EML6: variants seen among roughly 807,000 people sequenced by gnomAD.
EML6 encodes EMAP like 6.
EML6 carries 154 observed loss-of-function variants against 240.1 expected under a neutral mutation model. That is an observed-to-expected ratio of 0.64 (90% CI 0.56 to 0.73). The LOEUF is 0.73. EML6 is among the 30% of genes least tolerant of loss of function. The pLI is 0.00. For synonymous variants in EML6, 1,148 were observed against 899.0 expected, an observed-to-expected ratio of 1.28 and a Z score of -4.95; for missense variants, 2,964 against 2,474.6, an observed-to-expected ratio of 1.20 and a Z score of -4.20.
chr2:54,798,273 A>G (rs1163856561), intron 2 of EML6, among the ~76,000 whole-genome samples: 1 of 152,112 alleles, frequency 6.6e-6, no homozygotes, highest in Non-Finnish European at 1.5e-5. Context: ...CCCGGGTTCA[A>G]GTGCTTCTCC....
Position 54,817,964 on chromosome 2 carries a change from C to G in EML6, c.456+1079C>G, listed in dbSNP as rs534667588. Among the ~76,000 whole-genome samples, 18 of 152,038 alleles carry G rather than the reference C, an allele frequency of 1.2e-4. No homozygotes were observed. In the East Asian group the frequency reaches 3.1e-3, roughly 26 times the overall value. ...GTACTGGAAGAGGCCTGGTACCCCT[C>G]TCGTCCAGTAGTTCCCAATCCTGGC... is the stretch of plus-strand genomic sequence containing the variant. On this transcript the variant is annotated intron_variant, in intron 4 of 41. Coordinates refer to ENST00000356458, the MANE Select transcript of EML6 (RefSeq NM_001039753.4).
intron 19 of EML6, among the ~76,000 whole-genome samples, chr2:54,893,535 G>C (rs893071963): frequency 3.3e-5 from 5 of 152,214 alleles, no homozygotes; most frequent in African/African-American, 9.7e-5. Flanking sequence ...CTGTTACAGA[G>C]GCAGTTAAAT....
chr2:54,792,146 G>T (rs11893827), intron 2 of EML6, among the ~76,000 whole-genome samples: 10,311 of 152,194 alleles, frequency 0.068, 523 homozygotes, highest in East Asian at 0.31. Context: ...TGGGAAATGG[G>T]AAAACATTCA....
intron 2 of EML6, among the ~76,000 whole-genome samples, chr2:54,801,192 C>T (rs190838796): frequency 6.6e-6 from 1 of 151,834 alleles, no homozygotes; most frequent in East Asian, 1.9e-4. Flanking sequence ...TGGTGGTGGG[C>T]GCCTGTAGTC....
chr2:54,767,919 CCA>C (rs1230113890), intron 2 of EML6, among the ~76,000 whole-genome samples: 1 of 151,994 alleles, frequency 6.6e-6, no homozygotes, highest in Non-Finnish European at 1.5e-5. Flanking sequence ...AACATGCCAG[CCA>C]GAAGAAGTAC....
At chr2:54,779,814 A>G (rs1176975063) in intron 2 of EML6, among the ~76,000 whole-genome samples, 1 of 148,606 alleles carries the variant, frequency 6.7e-6, no homozygotes, top group East Asian at 2.0e-4. Context: ...GTGAGCCAAG[A>G]TCCTGCCAGT....
rs765850723 is a variant in EML6 at position 54,967,007 on chromosome 2, C to T, written c.5501C>T (p.Thr1834Ile). 6.5e-7 allele frequency: 1 copy of T among 1,550,106 alleles called. No individual in the cohort carries two copies. Among genetic ancestry groups the T allele is most frequent in the South Asian group, 1.2e-5 (1 of 84,010 alleles). ...SADGKYIQVS[T>I]GAYKRQVHEV... ...CTTCCCTTCTACCTACAGGTGTCAA[C>T]AGGTGCCTATAAGCGCCAGGTGCAT... The change falls in exon 39 of 42, where the codon ACA becomes ATA. Residue 1834 changes from threonine to isoleucine, a missense_variant. Thr to Ile is a moderately conservative substitution (Grantham distance 89). Transcript: ENST00000356458.
At chr2:54,797,314 C>A (rs771081395) in intron 2 of EML6, among the ~76,000 whole-genome samples, 1 of 151,952 alleles carries the variant, frequency 6.6e-6, no homozygotes, top group Non-Finnish European at 1.5e-5. Context: ...CCAGTATAGA[C>A]AATAACAGCC....
chr2:54,851,379 C>T (rs1406060100), intron 10 of EML6, among the ~76,000 whole-genome samples: 1 of 152,136 alleles, frequency 6.6e-6, no homozygotes, highest in African/African-American at 2.4e-5. Flanking sequence ...CACCACTGCA[C>T]TCCAGCCTGG....
At chr2:54,910,166 C>A (rs995907105) in intron 24 of EML6, among the ~76,000 whole-genome samples, 1 of 152,120 alleles carries the variant, frequency 6.6e-6, no homozygotes, top group African/African-American at 2.4e-5. Context: ...GGACAGTGGG[C>A]ATACAGGGGT....
chr2:54,916,957 C>T lies in EML6; in HGVS notation c.3675+22C>T, dbSNP rs967491411. On this transcript the variant is annotated intron_variant, in intron 26 of 41. Transcript: ENST00000356458. ...CAAGGTAATATTGCGTGTTTATTAT[C>T]TTTACTTGCTCAGTCTCCTTAATAA... 2.7e-6 allele frequency: 4 copies of T among 1,505,992 alleles called. No individual in the cohort carries two copies. The East Asian group carries it at 1.0e-4, about 38-fold the overall frequency. The allele number at this position is 1,505,992 out of a possible 1,614,324, so 93.3% of individuals were successfully genotyped here.
At chr2:54,912,925 A>G (rs918921183) in intron 25 of EML6, among the ~76,000 whole-genome samples, 1 of 152,182 alleles carries the variant, frequency 6.6e-6, no homozygotes, top group Non-Finnish European at 1.5e-5. Flanking sequence ...GTATGTACCC[A>G]GTAATGGTAT....
At chr2:54,931,096 T>C (rs1009607230) in intron 28 of EML6, among the ~76,000 whole-genome samples, 3 of 151,882 alleles carry the variant, frequency 2.0e-5, no homozygotes, top group African/African-American at 7.3e-5. Flanking sequence ...TAGCTGGGAC[T>C]ACAGGCGCCC....
At chr2:54,905,547 C>T (rs1408939518) in intron 24 of EML6, among the ~76,000 whole-genome samples, 2 of 152,078 alleles carry the variant, frequency 1.3e-5, no homozygotes, top group African/African-American at 4.8e-5. Context: ...GTACACATAA[C>T]AAAAATGTAC....
intron 26 of EML6, among the ~76,000 whole-genome samples, chr2:54,925,250 G>T (rs1051716498): frequency 2.6e-5 from 4 of 152,128 alleles, no homozygotes; most frequent in Admixed American, 2.0e-4. Context: ...TACAAGCCAG[G>T]AAGAGAGCCC....
intron 26 of EML6, among the ~76,000 whole-genome samples, chr2:54,920,412 A>G (rs1674160771): frequency 6.6e-6 from 1 of 152,158 alleles, no homozygotes; most frequent in Non-Finnish European, 1.5e-5. Context: ...ATAACCTGGA[A>G]GAAATGAAAC....
intron 5 of EML6, 93 bp from the exon 6 acceptor site, chr2:54,827,473 C>T (rs919795974): frequency 9.5e-6 from 10 of 1,050,784 alleles, no homozygotes; most frequent in African/African-American, 3.2e-5. Flanking sequence ...GGATAGAGCA[C>T]ATTATGTGAA....
At chr2:54,787,253 G>T (rs1669140246) in intron 2 of EML6, among the ~76,000 whole-genome samples, 1 of 151,426 alleles carries the variant, frequency 6.6e-6, no homozygotes. Context: ...TACCTGACAA[G>T]GCTCCCATGG....
At chr2:54,814,863 C>T (rs1001427757) in intron 3 of EML6, among the ~76,000 whole-genome samples, 1 of 152,204 alleles carries the variant, frequency 6.6e-6, no homozygotes, top group Non-Finnish European at 1.5e-5. Flanking sequence ...TTTGTAATCT[C>T]ATCCAGTTAG....
Sources: gnomAD v4.1 joint callset for allele counts (sites outside exome capture counted in the v4.1 genomes callset) on GRCh38, gnomAD v4.1.1 for gene constraint, MANE v1.5 for transcripts, NCBI Gene and HGNC (gene_info 2026-07-23, HGNC 2026-07-21) for gene names.